The following CNTN4 variants were observed in gnomAD, a reference collection of about 807,000 sequenced individuals.
CNTN4 encodes contactin 4.
A neutral mutation model predicts 122.5 loss-of-function variants in CNTN4; 77 were observed. That is an observed-to-expected ratio of 0.63 (90% CI 0.52 to 0.76). The LOEUF (loss-of-function observed/expected upper bound fraction) is 0.76, where lower values mean the gene tolerates loss of function less well. CNTN4 is among the 30% of genes least tolerant of loss of function. The pLI, the probability that CNTN4 is intolerant of heterozygous loss-of-function variation, is 0.00. For missense variants in CNTN4, 1,256 were observed against 1,259.1 expected (o/e 1.00, Z 0.04); for synonymous variants, 512 against 447.0 (o/e 1.15, Z -1.83).
At chr3:2,294,287 A>ATTTTTTTTTTTTTTTTTT (rs1181394749) in intron 2 of CNTN4, among the ~76,000 whole-genome samples, 6 of 125,280 alleles carry the variant, frequency 4.8e-5, no homozygotes, top group Non-Finnish European at 7.1e-5. Flanking sequence ...AAGAGTTGTG[A>ATTTTTTTTTTTTTTTTTT]CTTTTTTTTT....
At chr3:2,503,560 G>A (rs2076653612) in intron 3 of CNTN4, among the ~76,000 whole-genome samples, 1 of 152,136 alleles carries the variant, frequency 6.6e-6, no homozygotes. Context: ...ACAGAAAGTT[G>A]GGCATAGAGA....
intron 2 of CNTN4, among the ~76,000 whole-genome samples, chr3:2,162,523 T>C (rs1272685635): frequency 6.6e-6 from 1 of 152,178 alleles, no homozygotes; most frequent in Non-Finnish European, 1.5e-5. Context: ...GGCTCCCCAG[T>C]CATCTACCTC....
intron 14 of CNTN4, among the ~76,000 whole-genome samples, chr3:3,006,040 C>T (rs112492005): frequency 1.2e-4 from 18 of 152,008 alleles, no homozygotes; most frequent in South Asian, 4.2e-4. Context: ...CGCCCACCCC[C>T]ACGCTCGGCT....
intron 7 of CNTN4, among the ~76,000 whole-genome samples, chr3:2,847,240 G>A (rs1233535463): frequency 1.3e-5 from 2 of 151,720 alleles, no homozygotes; most frequent in Non-Finnish European, 2.9e-5. Context: ...CCCCTTAGAG[G>A]TCAGTAAGAG....
intron 4 of CNTN4, among the ~76,000 whole-genome samples, chr3:2,677,192 T>G (rs2084902468): frequency 6.7e-6 from 1 of 150,100 alleles, no homozygotes; most frequent in Non-Finnish European, 1.5e-5. Context: ...TATATAGATA[T>G]ATCTCTCTCT....
chr3:2,515,289 T>C (rs1375580149), intron 3 of CNTN4, among the ~76,000 whole-genome samples: 2 of 152,174 alleles, frequency 1.3e-5, no homozygotes, highest in African/African-American at 2.4e-5. Context: ...GTTAATCTTA[T>C]ACTCTAAATT....
intron 3 of CNTN4, among the ~76,000 whole-genome samples, chr3:2,346,595 C>T (rs2044404370): frequency 6.6e-6 from 1 of 152,028 alleles, no homozygotes; most frequent in South Asian, 2.1e-4. Context: ...TAATGTTAAG[C>T]TAGGATTGGA....
intron 14 of CNTN4, among the ~76,000 whole-genome samples, chr3:3,019,806 A>ATC: frequency 1.5e-5 from 1 of 67,374 alleles, no homozygotes; most frequent in Admixed American, 1.4e-4. Flanking sequence ...ATACACATGC[A>ATC]TATATATATA....
intron 6 of CNTN4, among the ~76,000 whole-genome samples, chr3:2,800,003 T>A (rs1404263105): frequency 1.3e-5 from 2 of 152,060 alleles, no homozygotes; most frequent in Admixed American, 1.3e-4. Context: ...TGTCTATTTT[T>A]ATACCAGTTC....
intron 3 of CNTN4, among the ~76,000 whole-genome samples, chr3:2,384,577 A>T (rs766170863): frequency 6.6e-6 from 1 of 152,232 alleles, no homozygotes. Flanking sequence ...ATCTTAAGTC[A>T]TGGTGAATTG....
intron 2 of CNTN4, among the ~76,000 whole-genome samples, chr3:2,249,928 T>C (rs1272872067): frequency 6.6e-6 from 1 of 151,890 alleles, no homozygotes; most frequent in Non-Finnish European, 1.5e-5. Context: ...ATACTTTTCA[T>C]TTCCTGCTTT....
intron 2 of CNTN4, among the ~76,000 whole-genome samples, chr3:2,230,789 A>C (rs1237037037): frequency 6.6e-6 from 1 of 152,062 alleles, no homozygotes; most frequent in Non-Finnish European, 1.5e-5. Flanking sequence ...GTTCGAGACC[A>C]GCATGGGCAA....
chr3:2,166,160 A>G (rs1329370577), intron 2 of CNTN4, among the ~76,000 whole-genome samples: 2 of 152,142 alleles, frequency 1.3e-5, no homozygotes, highest in African/African-American at 4.8e-5. Flanking sequence ...ATTATAATGC[A>G]TAATGTCAAT....
chr3:2,627,543 G>C (rs2082241007), intron 4 of CNTN4, among the ~76,000 whole-genome samples: 2 of 149,326 alleles, frequency 1.3e-5, no homozygotes, highest in Non-Finnish European at 3.0e-5. Flanking sequence ...GCCCAGGCTG[G>C]AGTGTAGTAG....
chr3:3,057,047 T>TAG lies in CNTN4; in HGVS notation c.*828_*829dup, dbSNP rs1701846393. 1 of 152,628 alleles carries TAG rather than the reference T, an allele frequency of 6.6e-6. No homozygotes were observed. The highest frequency in any genetic ancestry group is 2.4e-5 in the African/African-American group (1 of 41,460). The allele number at this position is 152,628 out of a possible 1,614,324, so 9.5% of individuals were successfully genotyped here. A position where few individuals can be genotyped will look rare whatever the true frequency, so the allele number is the denominator to read the frequency against. ...TAAATTTGAAGTAACATATATCCTG[T>TAG]AGTAACATAGACCCAAAGTTACTAT... is the stretch of plus-strand genomic sequence containing the variant. On this transcript the variant is annotated 3_prime_UTR_variant, in exon 25 of 25. Coordinates refer to ENST00000418658, the MANE Select transcript of CNTN4 (RefSeq NM_175607.3).
intron 3 of CNTN4, among the ~76,000 whole-genome samples, chr3:2,559,573 A>G (rs927887710): frequency 6.6e-6 from 1 of 152,174 alleles, no homozygotes; most frequent in Non-Finnish European, 1.5e-5. Flanking sequence ...TACTCAAGAA[A>G]AAAAGAAAAA....
At chr3:2,805,620 G>A (rs2092447940) in intron 6 of CNTN4, among the ~76,000 whole-genome samples, 1 of 152,174 alleles carries the variant, frequency 6.6e-6, no homozygotes, top group African/African-American at 2.4e-5. Flanking sequence ...GTGAGGTGAG[G>A]CTGTACCTTG....
chr3:2,432,917 C>G (rs960835482), intron 3 of CNTN4, among the ~76,000 whole-genome samples: 4 of 151,420 alleles, frequency 2.6e-5, no homozygotes, highest in African/African-American at 4.9e-5. Flanking sequence ...TGAGTGATCT[C>G]ACCTCAGCTT....
chr3:2,870,788 G>C (rs1018501481), intron 8 of CNTN4, among the ~76,000 whole-genome samples: 1 of 152,194 alleles, frequency 6.6e-6, no homozygotes, highest in African/African-American at 2.4e-5. Context: ...TGGCAGAACT[G>C]TATTTCCCCA....
Sources: gnomAD v4.1 joint callset for allele counts (sites outside exome capture counted in the v4.1 genomes callset) on GRCh38, gnomAD v4.1.1 for gene constraint, MANE v1.5 for transcripts, NCBI Gene and HGNC (gene_info 2026-07-23, HGNC 2026-07-21) for gene names.